Variants in MAST2 observed in about 807,000 individuals in gnomAD.
MAST2 encodes microtubule-associated serine/threonine-protein kinase 2.
Under a neutral mutation model 147.4 loss-of-function variants are expected in MAST2, and 70 were observed. The observed-to-expected ratio is 0.47, with a 90% CI of 0.39 to 0.58. MAST2 has a LOEUF of 0.58. Ranked by LOEUF, MAST2 falls within the 20% of genes least tolerant of loss-of-function variation. MAST2 has a pLI of 0.00. For synonymous variants in MAST2, 869 were observed against 896.8 expected (o/e 0.97, Z 0.55); for missense variants, 2,080 against 2,302.3 (o/e 0.90, Z 1.98).
chr1:46,009,216 G>A (rs766675758), intron 9 of MAST2, among the ~76,000 whole-genome samples: 47 of 151,960 alleles, frequency 3.1e-4, no homozygotes, highest in Non-Finnish European at 6.3e-4. Flanking sequence ...CACCACGCCC[G>A]GCTAATTTTT....
chr1:45,808,564 A>C (rs568436370), intron 1 of MAST2, among the ~76,000 whole-genome samples: 1 of 152,296 alleles, frequency 6.6e-6, no homozygotes, highest in South Asian at 2.1e-4. Flanking sequence ...GTCTGGCATT[A>C]GGTTCTCTCG....
At chr1:45,842,484 C>G (rs1645308606) in intron 3 of MAST2, among the ~76,000 whole-genome samples, 1 of 152,176 alleles carries the variant, frequency 6.6e-6, no homozygotes, top group African/African-American at 2.4e-5. Context: ...CACTCCCCTT[C>G]CATGCAATCT....
At chr1:45,995,075 C>T (rs1019886687) in intron 5 of MAST2, among the ~76,000 whole-genome samples, 9 of 152,098 alleles carry the variant, frequency 5.9e-5, no homozygotes, top group African/African-American at 9.7e-5. Context: ...CTCCTGGCCT[C>T]GTGATCCGCC....
At position 46,032,589 on chromosome 1, in the gene MAST2, GGCACA is replaced by G. The variant is rs1307437129; in HGVS notation, c.3415-2_3417del. On this transcript the variant is annotated splice_acceptor_variant and splice_polypyrimidine_tract_variant and intron_variant, in intron 25 of 28. Coordinates refer to ENST00000361297, the MANE Select transcript of MAST2 (RefSeq NM_015112.3). LOFTEE classifies it high-confidence loss of function. ...CCAGTCTGAGTACTGTTCTCTTCCTGGCACAGCACGTGGAGGATGGAGGTCCGGCC... is the reference window on the plus strand; with the variant it reads ...CCAGTCTGAGTACTGTTCTCTTCCTGGCACGTGGAGGATGGAGGTCCGGCC... 6.2e-7 allele frequency: 1 copy of G among 1,613,744 alleles called. No individual in the cohort carries two copies. The highest frequency in any genetic ancestry group is 1.7e-5 in the Admixed American group (1 of 59,998).
At chr1:46,012,538 A>G (rs1645757404) in intron 10 of MAST2, among the ~76,000 whole-genome samples, 1 of 152,206 alleles carries the variant, frequency 6.6e-6, no homozygotes, top group African/African-American at 2.4e-5. Context: ...TGAATACTTT[A>G]TATGAATTCT....
intron 5 of MAST2, among the ~76,000 whole-genome samples, chr1:45,985,265 T>C (rs1644568964): frequency 2.6e-5 from 4 of 151,870 alleles, no homozygotes; most frequent in Non-Finnish European, 4.4e-5. Context: ...GTGTGTGTTT[T>C]TTTTTTTTAG....
chr1:45,907,107 G>GA (rs1260463977), intron 4 of MAST2, among the ~76,000 whole-genome samples: 1 of 152,118 alleles, frequency 6.6e-6, no homozygotes, highest in Non-Finnish European at 1.5e-5. Context: ...TTCACATAAT[G>GA]ATGAAATCGC....
At chr1:46,028,064 C>T (rs984505472) in intron 17 of MAST2, among the ~76,000 whole-genome samples, 1 of 152,166 alleles carries the variant, frequency 6.6e-6, no homozygotes, top group Non-Finnish European at 1.5e-5. Context: ...GGCCTTGGGG[C>T]CATATGCCTA....
At chr1:45,950,631 C>T (rs1450151223) in intron 4 of MAST2, among the ~76,000 whole-genome samples, 2 of 152,144 alleles carry the variant, frequency 1.3e-5, no homozygotes, top group African/African-American at 4.8e-5. Context: ...AAACTTAACA[C>T]TTCTATTAAG....
intron 3 of MAST2, among the ~76,000 whole-genome samples, chr1:45,873,604 A>G (rs1478810165): frequency 6.6e-6 from 1 of 152,212 alleles, no homozygotes; most frequent in African/African-American, 2.4e-5. Context: ...AGGTATTTTT[A>G]TCTCAGGTGA....
At chr1:45,823,645 T>C (rs1182275303) in intron 1 of MAST2, among the ~76,000 whole-genome samples, 1 of 152,208 alleles carries the variant, frequency 6.6e-6, no homozygotes, top group African/African-American at 2.4e-5. Context: ...AGTTATTCTC[T>C]AATGGTTCTT....
Position 46,031,639 on chromosome 1 carries a change from T to C in MAST2, c.3187+54T>C, listed in dbSNP as rs1646674907. On this transcript the variant is annotated intron_variant, in intron 24 of 28. Coordinates refer to ENST00000361297, the MANE Select transcript of MAST2 (RefSeq NM_015112.3). This position sits in a 1 kb window ranked among gnomAD's most constrained non-coding sequence, Gnocchi z 4.1. ...CTCACAGGAAGGGCCTTGTAATCTC[T>C]AGGCCTTGGGAGGGTTCTGCACGTG... 2.7e-6 allele frequency: 4 copies of C among 1,505,380 alleles called. No homozygotes were observed. Among genetic ancestry groups the C allele is most frequent in the Non-Finnish European group, 2.7e-6 (3 of 1,096,128 alleles). 93.3% of individuals were successfully genotyped at this position (1,505,380 alleles called of 1,614,324 possible).
At chr1:45,860,201 T>TACACACACAC (rs777498021) in intron 3 of MAST2, among the ~76,000 whole-genome samples, 45 of 144,128 alleles carry the variant, frequency 3.1e-4, no homozygotes, top group African/African-American at 7.2e-4. Context: ...CTACTAAAAA[T>TACACACACAC]ACACACACAC....
At chr1:45,860,828 G>A (rs763249706) in intron 3 of MAST2, among the ~76,000 whole-genome samples, 1 of 151,072 alleles carries the variant, frequency 6.6e-6, no homozygotes, top group African/African-American at 2.4e-5. Flanking sequence ...GCGAAACTCC[G>A]TCTCCAAAAA....
At chr1:46,029,376 T>C in intron 18 of MAST2, 90 bp from the exon 19 acceptor site, 1 of 1,106,724 alleles carries the variant, frequency 9.0e-7, no homozygotes, top group Non-Finnish European at 1.3e-6. Context: ...CCTTTTTGCC[T>C]CCTTTCCTTT....
Position 46,023,224 on chromosome 1 carries a change from G to C in MAST2, c.1486-9G>C. The C allele has an allele frequency of 6.2e-7, 1 of 1,613,332 alleles. No individual in the cohort carries two copies. The highest frequency in any genetic ancestry group is 1.3e-5 in the African/African-American group (1 of 75,018). ...ATGCCTGTCTCCTGCCTTTTCCCTT[G>C]TCTTCCAGGGCCATGGGGCATCTCT... On this transcript the variant is annotated splice_polypyrimidine_tract_variant and intron_variant, in intron 13 of 28. Transcript: ENST00000361297. This position sits in a 1 kb window ranked among gnomAD's most constrained non-coding sequence, Gnocchi z 4.9.
At chr1:45,960,191 T>G (rs1283522442) in intron 5 of MAST2, among the ~76,000 whole-genome samples, 3 of 152,190 alleles carry the variant, frequency 2.0e-5, no homozygotes, top group Non-Finnish European at 4.4e-5. Flanking sequence ...AGGACTGATT[T>G]ACATGGCTCT....
chr1:45,897,639 C>G (rs1291746635), intron 4 of MAST2, among the ~76,000 whole-genome samples: 2 of 151,490 alleles, frequency 1.3e-5, no homozygotes, highest in Non-Finnish European at 2.9e-5. Context: ...CAAAACCTGT[C>G]TCTACCAAAA....
rs745595728 is a variant in MAST2 at position 45,947,470 on chromosome 1, A to G, written c.501-11916A>G. Among the ~76,000 whole-genome samples, 6 of 152,292 alleles carry G rather than the reference A, an allele frequency of 3.9e-5. No homozygotes were observed. The East Asian group carries it at 9.6e-4, about 24-fold the overall frequency. ...AACCAAGCCCAGTGAGCTCTTAGTA[A>G]TTGTTAGATATTATCATTGTTGTTT... On this transcript the variant is annotated intron_variant, in intron 4 of 28. Coordinates refer to ENST00000361297, the MANE Select transcript of MAST2 (RefSeq NM_015112.3).
Sources: gnomAD v4.1 joint callset for allele counts (sites outside exome capture counted in the v4.1 genomes callset) on GRCh38, gnomAD v4.1.1 for gene constraint, Gnocchi (gnomAD v3.1) non-coding constraint, MANE v1.5 for transcripts, NCBI Gene and HGNC (gene_info 2026-07-23, HGNC 2026-07-21) for gene names.